The following ARHGAP28 variants were observed in gnomAD, a reference collection of about 807,000 sequenced individuals.
The protein encoded by ARHGAP28 is Rho GTPase activating protein 28.
A neutral mutation model predicts 90.7 loss-of-function variants in ARHGAP28; 56 were observed. The observed-to-expected ratio is 0.62, with a 90% confidence interval of 0.50 to 0.77. The LOEUF (loss-of-function observed/expected upper bound fraction) is 0.77, where lower values mean the gene tolerates loss of function less well. Ranked by LOEUF, ARHGAP28 falls within the 30% of genes least tolerant of loss-of-function variation. The pLI, the probability that ARHGAP28 is intolerant of heterozygous loss-of-function variation, is 0.00. For missense variants in ARHGAP28, 869 were observed against 900.9 expected, an observed-to-expected ratio of 0.96 and a Z score of 0.45; for synonymous variants, 308 against 323.3, an observed-to-expected ratio of 0.95 and a Z score of 0.51.
At chr18:6,777,864 G>C (rs1203667285) in intron 1 of ARHGAP28, among the ~76,000 whole-genome samples, 4 of 152,122 alleles carry the variant, frequency 2.6e-5, no homozygotes, top group African/African-American at 4.8e-5. Context: ...GATATTGACA[G>C]AGTATGAAGG....
chr18:6,868,802 C>T (rs1555633759), intron 6 of ARHGAP28, among the ~76,000 whole-genome samples: 4 of 151,956 alleles, frequency 2.6e-5, no homozygotes, highest in Non-Finnish European at 2.9e-5. Flanking sequence ...GGATCCTGTG[C>T]TTTTTTCAGC....
chr18:6,782,424 T>C (rs2056330915), intron 1 of ARHGAP28, among the ~76,000 whole-genome samples: 1 of 151,678 alleles, frequency 6.6e-6, no homozygotes, highest in Non-Finnish European at 1.5e-5. Context: ...TAATTATTAT[T>C]ATTATTATTT....
At chr18:6,820,036 A>G (rs1250454883) in intron 1 of ARHGAP28, among the ~76,000 whole-genome samples, 1 of 152,212 alleles carries the variant, frequency 6.6e-6, no homozygotes, top group Admixed American at 6.5e-5. Context: ...TATGTGAAGA[A>G]AAAGGAAAAT....
intron 1 of ARHGAP28, among the ~76,000 whole-genome samples, chr18:6,736,713 C>T (rs1166227994): frequency 6.9e-6 from 1 of 144,950 alleles, no homozygotes; most frequent in African/African-American, 2.7e-5. Flanking sequence ...TGCCATTGCA[C>T]TCCAGCCTGG....
Position 6,914,868 on chromosome 18 carries a change from G to T in ARHGAP28, c.*2714G>T, listed in dbSNP as rs2057415205. 6.6e-6 allele frequency: 1 copy of T among 152,502 alleles called. No individual in the cohort carries two copies. Among genetic ancestry groups the T allele is most frequent in the Admixed American group, 6.5e-5 (1 of 15,268 alleles). 9.4% of individuals were successfully genotyped at this position (152,502 alleles called of 1,614,324 possible). On this transcript the variant is annotated 3_prime_UTR_variant, in exon 18 of 18. Coordinates refer to ENST00000383472, the MANE Select transcript of ARHGAP28 (RefSeq NM_001366230.1). ...CAAAAGAAGATCCCTTTGTTAAGCAGCTCACTTGGAAATATGATTCTTGGA... is the reference window on the plus strand; with the variant it reads ...CAAAAGAAGATCCCTTTGTTAAGCATCTCACTTGGAAATATGATTCTTGGA...
intron 1 of ARHGAP28, among the ~76,000 whole-genome samples, chr18:6,812,606 A>G (rs2143696581): frequency 7.7e-6 from 1 of 129,682 alleles, no homozygotes; most frequent in East Asian, 1.9e-4. Flanking sequence ...CCATGGCATC[A>G]GCTATTGATC....
intron 9 of ARHGAP28, 152 bp downstream of exon 9, chr18:6,873,927 G>T: frequency 1.4e-6 from 1 of 711,946 alleles, no homozygotes; most frequent in Non-Finnish European, 2.4e-6. Flanking sequence ...TTTATTCCAT[G>T]CACCGCATAA....
At chr18:6,825,154 A>G (rs1486809314) in intron 2 of ARHGAP28, among the ~76,000 whole-genome samples, 190 bp downstream of exon 2, 3 of 152,140 alleles carry the variant, frequency 2.0e-5, no homozygotes, top group Non-Finnish European at 4.4e-5. Context: ...CTTTTATCCC[A>G]GGTGACATGA....
Position 6,871,775 on chromosome 18 carries a change from G to A in ARHGAP28, c.954+1043G>A, listed in dbSNP as rs113031608. Among the ~76,000 whole-genome samples, 761 of 152,212 alleles carry A rather than the reference G, an allele frequency of 5.0e-3. 1 individual carries two copies. The highest frequency in any genetic ancestry group is 0.024 in the Middle Eastern group (7 of 294). On this transcript the variant is annotated intron_variant, in intron 7 of 17. Transcript: ENST00000383472. ...CTTTTTGTACCAGGTGACTTGGACC[G>A]TTCCCAAACAACCATCCCATGACAG...
At chr18:6,756,721 A>G (rs1048713906) in intron 1 of ARHGAP28, among the ~76,000 whole-genome samples, 2 of 152,222 alleles carry the variant, frequency 1.3e-5, no homozygotes, top group African/African-American at 2.4e-5. Context: ...TCTCAAAAGT[A>G]GGGAAGCCGA....
chr18:6,867,616 A>G (rs1224328649), intron 5 of ARHGAP28, among the ~76,000 whole-genome samples: 2 of 152,108 alleles, frequency 1.3e-5, no homozygotes, highest in African/African-American at 2.4e-5. Flanking sequence ...ATTAATTAAG[A>G]GGGGAAATTG....
rs1316863700 is a variant in ARHGAP28 at position 6,837,419 on chromosome 18, G to A, written c.543+5G>A. The A allele has an allele frequency of 3.0e-6, 4 of 1,353,758 alleles. No individual in the cohort carries two copies. In the East Asian group the frequency reaches 1.8e-4, roughly 61 times the overall value. The allele number at this position is 1,353,758 out of a possible 1,614,324, so 83.9% of individuals were successfully genotyped here. On this transcript the variant is annotated splice_donor_5th_base_variant and intron_variant, in intron 3 of 17. Transcript: ENST00000383472. ...TTTGGAGTCAGTGAATCTCCTGTAA[G>A]TAATGGCTCAAACATGGCTCAAAAG...
At chr18:6,781,752 T>C (rs1230101959) in intron 1 of ARHGAP28, among the ~76,000 whole-genome samples, 1 of 152,226 alleles carries the variant, frequency 6.6e-6, no homozygotes, top group Non-Finnish European at 1.5e-5. Context: ...TTGCTCATAA[T>C]GATTTTTTCC....
chr18:6,859,092 C>A (rs375670488), intron 4 of ARHGAP28, among the ~76,000 whole-genome samples: 643 of 151,314 alleles, frequency 4.2e-3, no homozygotes, highest in African/African-American at 0.012. Flanking sequence ...ACAACAACAA[C>A]AACAAAAAAC....
intron 1 of ARHGAP28, among the ~76,000 whole-genome samples, chr18:6,824,278 C>T (rs1416825559): frequency 2.0e-5 from 3 of 152,136 alleles, no homozygotes; most frequent in East Asian, 3.8e-4. Context: ...GTGGCTCACA[C>T]CTGTAATCCC....
chr18:6,882,193 A>G lies in ARHGAP28; in HGVS notation c.1347A>G (p.Lys449=), dbSNP rs1422836666. The change falls in exon 11 of 18, where the codon AAA becomes AAG. Residue 449 remains lysine, a synonymous_variant. Coordinates refer to ENST00000383472, the MANE Select transcript of ARHGAP28 (RefSeq NM_001366230.1). ...KFNADKFKWD[K]MCHREAAVML... ...ATGCTGATAAATTTAAATGGGACAAAATGTGCCATAGAGAAGCTGCAGTAA... is the reference window on the plus strand; with the variant it reads ...ATGCTGATAAATTTAAATGGGACAAGATGTGCCATAGAGAAGCTGCAGTAA... 6.2e-7 allele frequency: 1 copy of G among 1,614,072 alleles called. No individual in the cohort carries two copies. The highest frequency in any genetic ancestry group is 1.6e-4 in the Middle Eastern group (1 of 6,062).
At chr18:6,732,937 A>G (rs1480837143) in intron 1 of ARHGAP28, among the ~76,000 whole-genome samples, 3 of 152,184 alleles carry the variant, frequency 2.0e-5, no homozygotes, top group Admixed American at 6.5e-5. Flanking sequence ...TCACTATCAG[A>G]AGCGGACAAA....
At chr18:6,796,928 C>T (rs1026671603) in intron 1 of ARHGAP28, among the ~76,000 whole-genome samples, 1 of 152,050 alleles carries the variant, frequency 6.6e-6, no homozygotes, top group Non-Finnish European at 1.5e-5. Context: ...TAGAAGCAAA[C>T]CTTAGCCAGG....
At chr18:6,810,487 G>T (rs760281147) in intron 1 of ARHGAP28, among the ~76,000 whole-genome samples, 5 of 151,914 alleles carry the variant, frequency 3.3e-5, no homozygotes, top group Non-Finnish European at 5.9e-5. Context: ...TAGACACAGG[G>T]TTTCACCATG....
Sources: allele counts gnomAD v4.1 joint callset (sites outside exome capture counted in the v4.1 genomes callset), GRCh38; gene constraint gnomAD v4.1.1; transcripts MANE v1.5; gene names NCBI Gene and HGNC (gene_info 2026-07-23, HGNC 2026-07-21).